Variants in KCNC2 observed in about 807,000 individuals in gnomAD.
KCNC2 encodes voltage-gated potassium channel KCNC2.
KCNC2 carries 21 observed loss-of-function variants against 44.5 expected under a neutral mutation model. The ratio of observed to expected loss-of-function variants is 0.47; its 90% CI spans 0.33 to 0.68. KCNC2 has a LOEUF of 0.68. KCNC2 is among the 30% of genes least tolerant of loss of function. The pLI, the probability that KCNC2 is intolerant of heterozygous loss-of-function variation, is 0.01. For missense variants in KCNC2, 589 were observed against 826.2 expected, an observed-to-expected ratio of 0.71 and a Z score of 3.52; for synonymous variants, 391 against 339.1, an observed-to-expected ratio of 1.15 and a Z score of -1.68.
At chr12:75,170,495 A>C (rs954908393) in intron 2 of KCNC2, among the ~76,000 whole-genome samples, 1 of 151,798 alleles carries the variant, frequency 6.6e-6, no homozygotes, top group Admixed American at 6.6e-5. Context: ...CAATTTACAG[A>C]TGAAAAACCT....
chr12:75,059,277 G>A (rs1182468387), intron 2 of KCNC2, among the ~76,000 whole-genome samples: 1 of 152,058 alleles, frequency 6.6e-6, no homozygotes, highest in Non-Finnish European at 1.5e-5. Flanking sequence ...TTCACATCAT[G>A]GTCTAGGGAC....
intron 2 of KCNC2, among the ~76,000 whole-genome samples, chr12:75,194,321 C>G (rs916436307): frequency 6.6e-6 from 1 of 152,122 alleles, no homozygotes; most frequent in African/African-American, 2.4e-5. Flanking sequence ...AGGGGATCAT[C>G]ATGTGAAGAT....
intron 2 of KCNC2, among the ~76,000 whole-genome samples, chr12:75,173,052 A>G (rs984759285): frequency 6.6e-6 from 1 of 151,914 alleles, no homozygotes; most frequent in African/African-American, 2.4e-5. Flanking sequence ...ACTATTATAT[A>G]CCCTCATGGT....
At chr12:75,179,763 C>T (rs201455075) in intron 2 of KCNC2, among the ~76,000 whole-genome samples, 1 of 98,014 alleles carries the variant, frequency 1.0e-5, no homozygotes, top group Non-Finnish European at 2.4e-5. Context: ...TTTATAAAAA[C>T]TATAAAAGAT....
chr12:75,089,207 C>A (rs945344187), intron 2 of KCNC2, among the ~76,000 whole-genome samples: 2 of 151,726 alleles, frequency 1.3e-5, no homozygotes, highest in African/African-American at 4.8e-5. Flanking sequence ...GATTTATTTT[C>A]TCTGTTAATA....
chr12:75,092,024 A>G (rs1885524868), intron 2 of KCNC2, among the ~76,000 whole-genome samples: 1 of 151,618 alleles, frequency 6.6e-6, no homozygotes, highest in Non-Finnish European at 1.5e-5. Context: ...TTCTATTATA[A>G]CCATGTTTCT....
intron 2 of KCNC2, among the ~76,000 whole-genome samples, chr12:75,192,096 A>G (rs1314287252): frequency 6.6e-6 from 1 of 152,202 alleles, no homozygotes; most frequent in African/African-American, 2.4e-5. Context: ...CATTTGTTTG[A>G]TGAAGCATAT....
intron 2 of KCNC2, among the ~76,000 whole-genome samples, chr12:75,171,025 AC>A (rs1891780685): frequency 6.6e-6 from 1 of 151,342 alleles, no homozygotes; most frequent in Admixed American, 6.6e-5. Context: ...TTCGGTCTTA[AC>A]CACCTGGGCC....
chr12:75,128,654 G>GA (rs146613656), intron 2 of KCNC2, among the ~76,000 whole-genome samples: 4,991 of 151,176 alleles, frequency 0.033, 276 homozygotes, highest in African/African-American at 0.11. Context: ...CCTACAACAG[G>GA]AAAAAAAACA....
chr12:75,147,933 A>C (rs1309384651), intron 2 of KCNC2, among the ~76,000 whole-genome samples: 3 of 152,202 alleles, frequency 2.0e-5, no homozygotes, highest in Non-Finnish European at 4.4e-5. Context: ...AGTCCAAACT[A>C]CAAATACATT....
At chr12:75,195,658 C>T (rs938691062) in intron 2 of KCNC2, among the ~76,000 whole-genome samples, 4 of 152,112 alleles carry the variant, frequency 2.6e-5, no homozygotes, top group Non-Finnish European at 5.9e-5. Flanking sequence ...TTGTCTCCTA[C>T]CACCTGTGTT....
intron 2 of KCNC2, among the ~76,000 whole-genome samples, chr12:75,169,237 A>T (rs918599911): frequency 6.6e-6 from 1 of 151,560 alleles, no homozygotes; most frequent in African/African-American, 2.4e-5. Context: ...CTATCTTAGC[A>T]CATAGAGCAG....
chr12:75,207,999 A>G lies in KCNC2; in HGVS notation c.-16T>C, dbSNP rs1484215989. ...TCTTGCCCATCTCTGTGACTCAGACATGACTAGGGGGAGGCAAACACAGCG... is the reference window on the plus strand; with the variant it reads ...TCTTGCCCATCTCTGTGACTCAGACGTGACTAGGGGGAGGCAAACACAGCG... On this transcript the variant is annotated 5_prime_UTR_variant, in exon 2 of 5. It removes an upstream start codon present in the reference 5' UTR. Coordinates refer to ENST00000549446, the MANE Select transcript of KCNC2 (RefSeq NM_139137.4). The surrounding 1 kb of genome is among the most constrained non-coding windows in gnomAD (Gnocchi z 4.1). The G allele has an allele frequency of 6.2e-7, 1 of 1,611,410 alleles. No individual in the cohort carries two copies. The highest frequency in any genetic ancestry group is 8.5e-7 in the Non-Finnish European group (1 of 1,179,504).
intron 2 of KCNC2, among the ~76,000 whole-genome samples, chr12:75,119,983 CAA>C (rs1055158987): frequency 8.5e-5 from 13 of 152,102 alleles, no homozygotes; most frequent in Non-Finnish European, 4.4e-5. Flanking sequence ...AAATGTGAAT[CAA>C]AGAGTTATCA....
intron 2 of KCNC2, among the ~76,000 whole-genome samples, chr12:75,154,280 G>A (rs916383873): frequency 6.6e-6 from 1 of 151,996 alleles, no homozygotes; most frequent in Non-Finnish European, 1.5e-5. Flanking sequence ...AATGGTTATG[G>A]AAGATTTGGA....
chr12:75,207,443 C>G lies in KCNC2; in HGVS notation c.541G>C (p.Asp181His). 1 of 1,609,240 alleles carries G rather than the reference C, an allele frequency of 6.2e-7. No homozygotes were observed. The highest frequency in any genetic ancestry group is 8.5e-7 in the Non-Finnish European group (1 of 1,178,104). Residue 181 changes from aspartate to histidine, a missense_variant, in exon 2 of 5, where the codon GAC becomes CAC. Around this residue, in one of 7 missense-constraint regions of KCNC2, gnomAD observed 97 missense variants for 73.3 expected, o/e 1.32. Coordinates refer to ENST00000549446, the MANE Select transcript of KCNC2 (RefSeq NM_139137.4). The surrounding 1 kb of genome is among the most constrained non-coding windows in gnomAD (Gnocchi z 4.1). Reference sequence around the variant, plus strand: ...CTCTTGGCCGCCAGGTCCTCGTCGTCGCCGGGGTCGCCGCCAATGAGGTCG... The same window carrying G: ...CTCTTGGCCGCCAGGTCCTCGTCGTGGCCGGGGTCGCCGCCAATGAGGTCG... ...TPDLIGGDPG[D>H]DEDLAAKRLG...
intron 2 of KCNC2, among the ~76,000 whole-genome samples, chr12:75,131,159 T>A (rs921313178): frequency 6.6e-6 from 1 of 152,114 alleles, no homozygotes; most frequent in Admixed American, 6.6e-5. Context: ...ACAAAGTGAC[T>A]CAAAGCATAA....
intron 2 of KCNC2, among the ~76,000 whole-genome samples, chr12:75,190,260 C>T (rs913430194): frequency 2.0e-5 from 3 of 152,206 alleles, no homozygotes; most frequent in African/African-American, 4.8e-5. Flanking sequence ...AGCCCTCTAC[C>T]TCTGGTCATG....
At chr12:75,185,143 T>C (rs1397763187) in intron 2 of KCNC2, among the ~76,000 whole-genome samples, 1 of 152,198 alleles carries the variant, frequency 6.6e-6, no homozygotes, top group Admixed American at 6.5e-5. Context: ...AGAACTTAAC[T>C]TGCAATTCTT....
Sources: allele counts gnomAD v4.1 joint callset (sites outside exome capture counted in the v4.1 genomes callset), GRCh38; gene constraint gnomAD v4.1.1; regional missense constraint gnomAD v4.1.1; non-coding constraint Gnocchi (gnomAD v3.1); transcripts MANE v1.5; gene names NCBI Gene and HGNC (gene_info 2026-07-23, HGNC 2026-07-21).